Variants in DQX1 observed in about 807,000 individuals in gnomAD.
The protein encoded by DQX1 is ATP-dependent RNA helicase homolog DQX1.
A neutral mutation model predicts 81.3 loss-of-function variants in DQX1; 66 were observed. That is an observed-to-expected ratio of 0.81 (90% CI 0.67 to 1.00). DQX1 has a LOEUF of 1.00. Among genes scored for constraint, DQX1 ranks in the 50% least tolerant of loss-of-function variants. The pLI is 0.00. For missense variants in DQX1, 798 were observed against 867.9 expected, an observed-to-expected ratio of 0.92 and a Z score of 1.01; for synonymous variants, 290 against 350.0, an observed-to-expected ratio of 0.83 and a Z score of 1.91.
Position 74,524,007 on chromosome 2 carries a change from C to A in DQX1, c.732G>T (p.Arg244=). 1 of 1,614,160 alleles carries A rather than the reference C, an allele frequency of 6.2e-7. No homozygotes were observed. Among genetic ancestry groups the A allele is most frequent in the Admixed American group, 1.7e-5 (1 of 60,030 alleles). The change falls in exon 4 of 12, where the codon CGG becomes CGT. Residue 244 remains arginine (R), a synonymous_variant. Transcript: ENST00000404568. ...PIYWDTIPPD[R]VEAACQAVLE... ...GCACTGCTTGGCAGGCAGCTTCCAC[C>A]CGATCAGGTGGGATGGTGTCCCAGT...
intron 8 of DQX1, among the ~76,000 whole-genome samples, chr2:74,522,269 C>G (rs1047053040): frequency 6.6e-6 from 1 of 152,128 alleles, no homozygotes; most frequent in African/African-American, 2.4e-5. Context: ...AGTGGGTGAG[C>G]AATACACCAG....
chr2:74,523,935 C>A lies in DQX1; in HGVS notation c.804G>T (p.Leu268=). ...TTTTGTTTTTTACCTCCTCACTGGG[C>A]AGGAACACTAGCACATCTCCTGGAA... ...KELPGDVLVF[L]PSEEEISLCC... is the part of the protein sequence containing the mutation. The change falls in exon 4 of 12, where the codon CTG becomes CTT. Residue 268 remains leucine, a synonymous_variant. Coordinates refer to ENST00000404568, the MANE Select transcript of DQX1 (RefSeq NM_133637.3). 6.3e-7 allele frequency: 1 copy of A among 1,595,056 alleles called. No homozygotes were observed. The highest frequency in any genetic ancestry group is 1.1e-5 in the South Asian group (1 of 89,436).
Position 74,519,058 on chromosome 2 carries a change from G to A in DQX1, c.1979C>T (p.Ser660Phe). The change falls in exon 11 of 12, where the codon TCT becomes TTT. Residue 660 changes from serine (S) to phenylalanine (F), a missense_variant. Ser to Phe is a radical substitution (Grantham distance 155, BLOSUM62 -2). Coordinates refer to ENST00000404568, the MANE Select transcript of DQX1 (RefSeq NM_133637.3). ...AACTCACATCTGTGGTTGAATCTCA[G>A]AAACAATGGAAAGGCAGTTGTCTTT... ...ISKDNCLSIV[S>F]EIQPQMLVEL... 1 of 1,589,008 alleles carries A rather than the reference G, an allele frequency of 6.3e-7. No individual in the cohort carries two copies.
At chr2:74,523,266 T>C in intron 5 of DQX1, 44 bp downstream of exon 5, 4 of 1,613,880 alleles carry the variant, frequency 2.5e-6, no homozygotes, top group Non-Finnish European at 3.4e-6. Flanking sequence ...GAGTGGGCCA[T>C]TTCTGTCTTT....
chr2:74,523,630 C>T, intron 4 of DQX1, 93 bp from the exon 5 acceptor site: 1 of 1,249,032 alleles, frequency 8.0e-7, no homozygotes, highest in South Asian at 1.4e-5. Context: ...TATGGCCCTT[C>T]ACTCTGAGAA....
chr2:74,519,330 G>A (rs1674967583), intron 10 of DQX1, 100 bp from the exon 11 acceptor site: 5 of 1,373,920 alleles, frequency 3.6e-6, no homozygotes, highest in Non-Finnish European at 4.9e-6. Context: ...GGTGATGAGA[G>A]CATGAAAAGT....
intron 3 of DQX1, 47 bp downstream of exon 3, chr2:74,524,962 C>A (rs1279113578): frequency 6.4e-7 from 1 of 1,564,302 alleles, no homozygotes; most frequent in African/African-American, 1.4e-5. Flanking sequence ...TTTGTTTCTA[C>A]TGAATAAGGG....
At position 74,523,777 on chromosome 2, in the gene DQX1, C is replaced by T. The variant is rs945450863; in HGVS notation, c.816+146G>A. On this transcript the variant is annotated intron_variant, in intron 4 of 11. Coordinates refer to ENST00000404568, the MANE Select transcript of DQX1 (RefSeq NM_133637.3). ...AATCCTCAAGTTTTTCTCTGGGACC[C>T]CAACGGAGAGTAAATACTGCAACTC... 23 of 1,290,962 alleles carry T rather than the reference C, an allele frequency of 1.8e-5. No individual in the cohort carries two copies. The African/African-American group carries it at 3.2e-4, about 18-fold the overall frequency. 80.0% of individuals were successfully genotyped at this position (1,290,962 alleles called of 1,614,324 possible). A position where few individuals can be genotyped will look rare whatever the true frequency, so the allele number is the denominator to read the frequency against.
In DQX1 at chr2:74,519,893, T is replaced by C. The variant is rs758293958; in HGVS notation, c.1615+22A>G. ...CCCCTCTTTGGAAAATCTGGGATTCTATAAAAGGATGCAGAACTCACTTTG... is the reference window on the plus strand; with the variant it reads ...CCCCTCTTTGGAAAATCTGGGATTCCATAAAAGGATGCAGAACTCACTTTG... On this transcript the variant is annotated intron_variant, in intron 9 of 11. Coordinates refer to ENST00000404568, the MANE Select transcript of DQX1 (RefSeq NM_133637.3). 16 of 1,609,012 alleles carry C rather than the reference T, an allele frequency of 9.9e-6. No individual in the cohort carries two copies. The South Asian group carries it at 1.5e-4, about 16-fold the overall frequency.
intron 4 of DQX1, 102 bp downstream of exon 4, chr2:74,523,821 T>C: frequency 7.0e-7 from 1 of 1,420,812 alleles, no homozygotes; most frequent in Non-Finnish European, 9.3e-7. Flanking sequence ...CTAAGAGGCA[T>C]TGCTCCCATT....
Position 74,523,838 on chromosome 2 carries a change from C to T in DQX1, c.816+85G>A, listed in dbSNP as rs1490101582. On this transcript the variant is annotated intron_variant, in intron 4 of 11. Coordinates refer to ENST00000404568, the MANE Select transcript of DQX1 (RefSeq NM_133637.3). Reference sequence around the variant, plus strand: ...AAGAGGCATTGCTCCCATTCCCATTCCTCAGGACTGGAAGATGATGATGAG... The same window carrying T: ...AAGAGGCATTGCTCCCATTCCCATTTCTCAGGACTGGAAGATGATGATGAG... 28 of 1,448,012 alleles carry T rather than the reference C, an allele frequency of 1.9e-5. 2 individuals carry two copies. The South Asian group carries it at 3.0e-4, about 16-fold the overall frequency. The allele number at this position is 1,448,012 out of a possible 1,614,324, so 89.7% of individuals were successfully genotyped here.
rs560148296 is a variant in DQX1 at position 74,525,976 on chromosome 2, G to A, written c.-20+160C>T. ...GAAATCTACCTGAGACTATTACCCC[G>A]TTGGCAGGTAGTAGAAATCTTACTT... On this transcript the variant is annotated intron_variant, in intron 1 of 11. Transcript: ENST00000404568. The surrounding 1 kb of genome is among the most constrained non-coding windows in gnomAD (Gnocchi z 4.1). 5.9e-5 allele frequency among the ~76,000 whole-genome samples: 9 copies of A among 152,278 alleles called. No homozygotes were observed. The highest frequency in any genetic ancestry group is 1.4e-4 in the African/African-American group (6 of 41,550).
intron 4 of DQX1, 93 bp downstream of exon 4, chr2:74,523,830 T>C: frequency 1.4e-6 from 2 of 1,432,362 alleles, no homozygotes; most frequent in Non-Finnish European, 1.8e-6. Flanking sequence ...ATTGCTCCCA[T>C]TCCCATTCCT....
chr2:74,521,691 G>C (rs932634334), intron 8 of DQX1, among the ~76,000 whole-genome samples: 2 of 150,374 alleles, frequency 1.3e-5, no homozygotes, highest in African/African-American at 4.9e-5. Flanking sequence ...ACGTTCATCA[G>C]GAGTTGGAGT....
Position 74,520,017 on chromosome 2 carries a change from G to C in DQX1, c.1513C>G (p.Arg505Gly), listed in dbSNP as rs777023468. The change falls in exon 9 of 12, where the codon CGT becomes GGT. Residue 505 changes from arginine (R) to glycine (G), a missense_variant. By Grantham distance (125) the Arg-to-Gly change is moderately radical (BLOSUM62 -2). Transcript: ENST00000404568. ...AMLTAAPGFT[R>G]PPLSAEEAAL... ...GCTTCTTCTGCACTGAGTGGAGGAC[G>C]GGTAAACCCAGGGGCAGCTGGAGGC... The C allele has an allele frequency of 6.2e-7, 1 of 1,613,182 alleles. No homozygotes were observed. The highest frequency in any genetic ancestry group is 2.2e-5 in the East Asian group (1 of 44,850).
In DQX1 at chr2:74,525,404, C is replaced by A; in HGVS notation, c.237+89G>T. 7.1e-7 allele frequency: 1 copy of A among 1,404,206 alleles called. No individual in the cohort carries two copies. 87.0% of individuals were successfully genotyped at this position (1,404,206 alleles called of 1,614,324 possible). A position where few individuals can be genotyped will look rare whatever the true frequency, so the allele number is the denominator to read the frequency against. On this transcript the variant is annotated intron_variant, in intron 2 of 11. Transcript: ENST00000404568. The surrounding 1 kb of genome is among the most constrained non-coding windows in gnomAD (Gnocchi z 4.1). ...CCCACGCAGCCCAGTCCCCCCTTGC[C>A]CAGGGAAAGGCCACTTTCCCTTTGT...
At chr2:74,522,804 G>T (rs760545850) in intron 7 of DQX1, 33 bp from the exon 8 acceptor site, 5 of 1,613,188 alleles carry the variant, frequency 3.1e-6, no homozygotes, top group Non-Finnish European at 4.2e-6. Context: ...AGGATATGAA[G>T]TTTCAGAACT....
Position 74,523,555 on chromosome 2 carries a change from T to C in DQX1, c.817-18A>G. ...GAAATTTCCTGAGAAGAAGGGTGGGTGGGGCATTAGGGCAGTTCTCACGTT... is the reference window on the plus strand; with the variant it reads ...GAAATTTCCTGAGAAGAAGGGTGGGCGGGGCATTAGGGCAGTTCTCACGTT... On this transcript the variant is annotated intron_variant, in intron 4 of 11. Coordinates refer to ENST00000404568, the MANE Select transcript of DQX1 (RefSeq NM_133637.3). 6.5e-7 allele frequency: 1 copy of C among 1,536,928 alleles called. No individual in the cohort carries two copies. The highest frequency in any genetic ancestry group is 9.0e-7 in the Non-Finnish European group (1 of 1,112,208).
Position 74,518,259 on chromosome 2 carries a change from C to T in DQX1, c.*187G>A. 4.9e-6 allele frequency: 3 copies of T among 606,248 alleles called. No homozygotes were observed. Among genetic ancestry groups the T allele is most frequent in the Non-Finnish European group, 8.4e-6 (3 of 358,404 alleles). The allele number at this position is 606,248 out of a possible 1,614,324, so 37.6% of individuals were successfully genotyped here. A position where few individuals can be genotyped will look rare whatever the true frequency, so the allele number is the denominator to read the frequency against. ...GAGAAGGCTAAGGAAAGAGTCCTTC[C>T]CTATGTAGACTGTGGTTTACCCCAT... On this transcript the variant is annotated 3_prime_UTR_variant, in exon 12 of 12. Coordinates refer to ENST00000404568, the MANE Select transcript of DQX1 (RefSeq NM_133637.3).
Sources: allele counts gnomAD v4.1 joint callset (sites outside exome capture counted in the v4.1 genomes callset), GRCh38; gene constraint gnomAD v4.1.1; non-coding constraint Gnocchi (gnomAD v3.1); transcripts MANE v1.5; gene names NCBI Gene and HGNC (gene_info 2026-07-23, HGNC 2026-07-21).